The following GRIN2B variants were observed in gnomAD, a reference collection of about 807,000 sequenced individuals.
The protein encoded by GRIN2B is glutamate receptor ionotropic, NMDA 2B.
In GRIN2B, 5 loss-of-function variants were observed where a neutral mutation model predicts 114.5. That is an observed-to-expected ratio of 0.04 (90% CI 0.02 to 0.09). The LOEUF (loss-of-function observed/expected upper bound fraction) is 0.09, where lower values mean the gene tolerates loss of function less well. Ranked by LOEUF, GRIN2B falls within the 10% of genes least tolerant of loss-of-function variation. GRIN2B has a pLI of 1.00. For synonymous variants in GRIN2B, 787 were observed against 745.1 expected (o/e 1.06, Z -0.92); for missense variants, 1,108 against 1,943.5 (o/e 0.57, Z 8.08).
intron 3 of GRIN2B, among the ~76,000 whole-genome samples, chr12:13,819,464 G>A (rs1864891064): frequency 6.6e-6 from 1 of 152,124 alleles, no homozygotes; most frequent in African/African-American, 2.4e-5. Flanking sequence ...ACTAATCCCT[G>A]AAAGGGAATA....
At chr12:13,805,162 A>G (rs112083599) in intron 3 of GRIN2B, among the ~76,000 whole-genome samples, 2 of 152,264 alleles carry the variant, frequency 1.3e-5, no homozygotes, top group African/African-American at 4.8e-5. Context: ...TTCTTCTGTG[A>G]AGTAGATCTG....
chr12:13,910,346 A>C (rs1180723291), intron 2 of GRIN2B, among the ~76,000 whole-genome samples: 1 of 152,200 alleles, frequency 6.6e-6, no homozygotes, highest in Non-Finnish European at 1.5e-5. Context: ...CTATGTCTCT[A>C]AAATGCCTTG....
At chr12:13,780,005 G>A (rs1204102874) in intron 3 of GRIN2B, among the ~76,000 whole-genome samples, 1 of 152,146 alleles carries the variant, frequency 6.6e-6, no homozygotes, top group Non-Finnish European at 1.5e-5. Flanking sequence ...ACTATCCATT[G>A]TTCCAACTTT....
chr12:13,761,306 C>CT (rs745369030), intron 3 of GRIN2B, among the ~76,000 whole-genome samples: 1 of 152,216 alleles, frequency 6.6e-6, no homozygotes, highest in Non-Finnish European at 1.5e-5. Flanking sequence ...GACTGAGTCT[C>CT]TCTTCGGATG....
At chr12:13,967,024 G>A (rs576568068) in intron 2 of GRIN2B, among the ~76,000 whole-genome samples, 1 of 152,252 alleles carries the variant, frequency 6.6e-6, no homozygotes, top group East Asian at 1.9e-4. Context: ...ACAGTAGCAG[G>A]GAAAATGTAA....
At chr12:13,732,115 T>G (rs1215592656) in intron 4 of GRIN2B, among the ~76,000 whole-genome samples, 1 of 152,074 alleles carries the variant, frequency 6.6e-6, no homozygotes, top group Non-Finnish European at 1.5e-5. Flanking sequence ...GAGCTAAAAT[T>G]TAATGTAATG....
intron 3 of GRIN2B, among the ~76,000 whole-genome samples, chr12:13,762,795 G>T (rs984569628): frequency 2.0e-5 from 3 of 152,158 alleles, no homozygotes; most frequent in Non-Finnish European, 4.4e-5. Flanking sequence ...TTAAAATGTG[G>T]ATCAGTCATG....
At chr12:13,784,528 T>C (rs2136658640) in intron 3 of GRIN2B, among the ~76,000 whole-genome samples, 1 of 152,240 alleles carries the variant, frequency 6.6e-6, no homozygotes, top group Non-Finnish European at 1.5e-5. Flanking sequence ...GTGACTTCGC[T>C]GTCTCCCCAT....
intron 3 of GRIN2B, among the ~76,000 whole-genome samples, chr12:13,771,541 C>T: frequency 6.6e-6 from 1 of 152,106 alleles, no homozygotes; most frequent in East Asian, 1.9e-4. Context: ...GAATACTTAG[C>T]TGTGTGATCT....
At chr12:13,671,940 T>C (rs1950025371) in intron 5 of GRIN2B, among the ~76,000 whole-genome samples, 1 of 152,150 alleles carries the variant, frequency 6.6e-6, no homozygotes, top group East Asian at 1.9e-4. Context: ...AATGAGTGTA[T>C]TCAGGAAAAT....
At chr12:13,896,525 T>C (rs2136782658) in intron 2 of GRIN2B, among the ~76,000 whole-genome samples, 1 of 152,336 alleles carries the variant, frequency 6.6e-6, no homozygotes, top group African/African-American at 2.4e-5. Flanking sequence ...GTGGCGCCTG[T>C]AACGTTTGAA....
At chr12:13,716,087 T>G (rs182807227) in intron 4 of GRIN2B, among the ~76,000 whole-genome samples, 27 of 152,032 alleles carry the variant, frequency 1.8e-4, no homozygotes, top group Admixed American at 1.7e-3. Flanking sequence ...AAAGTCTCAA[T>G]GGATAGTTGG....
intron 3 of GRIN2B, among the ~76,000 whole-genome samples, chr12:13,814,507 T>C (rs142106806): frequency 1.6e-3 from 245 of 152,338 alleles, no homozygotes; most frequent in African/African-American, 5.6e-3. Flanking sequence ...AGAAAACCAG[T>C]GAATTTCAGT....
intron 2 of GRIN2B, among the ~76,000 whole-genome samples, chr12:13,906,529 G>C (rs996255612): frequency 6.6e-6 from 1 of 152,116 alleles, no homozygotes; most frequent in African/African-American, 2.4e-5. Flanking sequence ...AAAATGTGTG[G>C]TTTTCACACA....
chr12:13,710,236 A>T (rs1448057612), intron 4 of GRIN2B, among the ~76,000 whole-genome samples: 1 of 152,060 alleles, frequency 6.6e-6, no homozygotes. Flanking sequence ...TCTCAAAATA[A>T]TAAGAGCTAT....
chr12:13,883,966 C>T (rs1423532312), intron 2 of GRIN2B, among the ~76,000 whole-genome samples: 1 of 152,214 alleles, frequency 6.6e-6, no homozygotes, highest in Admixed American at 6.5e-5. Flanking sequence ...AATCACTTTA[C>T]ATGGCACAAG....
At position 13,783,405 on chromosome 12, in the gene GRIN2B, G is replaced by T. The variant is rs1238326845; in HGVS notation, c.412-29490C>A. Among the ~76,000 whole-genome samples the T allele has an allele frequency of 4.0e-5, 4 of 99,012 alleles. No homozygotes were observed. In the East Asian group the frequency reaches 1.3e-3, roughly 32 times the overall value. 65.0% of individuals were successfully genotyped at this position (99,012 alleles called of 152,430 possible). Reference sequence around the variant, plus strand: ...GACATTCTTTGATCTCCAAAATATAGGACAAGAGAATTGGTAACGGAAATA... The same window carrying T: ...GACATTCTTTGATCTCCAAAATATATGACAAGAGAATTGGTAACGGAAATA... On this transcript the variant is annotated intron_variant, in intron 3 of 13. Transcript: ENST00000609686.
At chr12:13,746,859 T>C (rs1483654679) in intron 4 of GRIN2B, among the ~76,000 whole-genome samples, 2 of 152,184 alleles carry the variant, frequency 1.3e-5, no homozygotes, top group Non-Finnish European at 2.9e-5. Flanking sequence ...TCTCTCACCA[T>C]GTGACATGCC....
At chr12:13,811,837 T>C (rs1472399078) in intron 3 of GRIN2B, among the ~76,000 whole-genome samples, 1 of 152,206 alleles carries the variant, frequency 6.6e-6, no homozygotes, top group Non-Finnish European at 1.5e-5. Context: ...GATCTTCTTT[T>C]AACGGAGATA....
Sources: allele counts gnomAD v4.1 joint callset (sites outside exome capture counted in the v4.1 genomes callset), GRCh38; gene constraint gnomAD v4.1.1; transcripts MANE v1.5; gene names NCBI Gene and HGNC (gene_info 2026-07-23, HGNC 2026-07-21).